CATSPERE: variants seen among roughly 807,000 people sequenced by gnomAD.
CATSPERE encodes cation channel sperm-associated auxiliary subunit epsilon.
A neutral mutation model predicts 114.1 loss-of-function variants in CATSPERE; 93 were observed. That is an observed-to-expected ratio of 0.81 (90% CI 0.69 to 0.97). CATSPERE has a LOEUF of 0.97. Ranked by LOEUF, CATSPERE falls within the 50% of genes least tolerant of loss-of-function variation. The probability of loss-of-function intolerance (pLI) is 0.00; values close to 1 mark genes in which losing one functional copy is unlikely to be tolerated. For missense variants in CATSPERE, 1,058 were observed against 1,131.6 expected (o/e 0.93, Z 0.93); for synonymous variants, 341 against 384.1 (o/e 0.89, Z 1.31).
At chr1:244,578,803 TA>T (rs1211633727) in intron 11 of CATSPERE, among the ~76,000 whole-genome samples, 1 of 127,686 alleles carries the variant, frequency 7.8e-6, no homozygotes, top group East Asian at 2.1e-4. Flanking sequence ...GTATACAGGT[TA>T]TATATATAGG....
intron 17 of CATSPERE, among the ~76,000 whole-genome samples, chr1:244,599,447 C>T (rs931909419): frequency 6.6e-6 from 1 of 152,196 alleles, no homozygotes; most frequent in Admixed American, 6.5e-5. Context: ...TACATCAAAT[C>T]CATTAACAAA....
At chr1:244,560,564 A>C (rs1662401461) in intron 9 of CATSPERE, 104 bp from the exon 10 acceptor site, 2 of 658,398 alleles carry the variant, frequency 3.0e-6, no homozygotes, top group East Asian at 6.7e-5. Flanking sequence ...ATTGAAAGAA[A>C]ATTTAAAAAA....
At chr1:244,466,721 A>G (rs1304707543) in intron 2 of CATSPERE, among the ~76,000 whole-genome samples, 1 of 152,148 alleles carries the variant, frequency 6.6e-6, no homozygotes. Flanking sequence ...ACCCCCACTA[A>G]TTTTTAGGTT....
At chr1:244,481,319 C>T (rs958259411) in intron 5 of CATSPERE, among the ~76,000 whole-genome samples, 43 of 152,092 alleles carry the variant, frequency 2.8e-4, no homozygotes, top group African/African-American at 9.6e-4. Flanking sequence ...GATGTGGTGG[C>T]GGGCGCCTGT....
At chr1:244,637,712 C>T (rs10754838) in intron 21 of CATSPERE, among the ~76,000 whole-genome samples, 90,283 of 151,992 alleles carry the variant, frequency 0.59, 27,575 homozygotes, top group Middle Eastern at 0.73. Flanking sequence ...TGGCAAATCC[C>T]CAACTACCTA....
chr1:244,558,228 G>A (rs923467857), intron 9 of CATSPERE, among the ~76,000 whole-genome samples: 20 of 136,524 alleles, frequency 1.5e-4, no homozygotes, highest in African/African-American at 3.3e-4. Context: ...TGCAACCTCC[G>A]CCTCCCAGAT....
chr1:244,607,091 G>A lies in CATSPERE; in HGVS notation c.2403+1297G>A, dbSNP rs1428429172. On this transcript the variant is annotated intron_variant, in intron 18 of 21. Coordinates refer to ENST00000366534, the MANE Select transcript of CATSPERE (RefSeq NM_001130957.2). The surrounding 1 kb of genome is among the most constrained non-coding windows in gnomAD (Gnocchi z 4.4). ...CTTCCTTCTCAAACCTTTCCATTAT[G>A]CCTCAAGGTTAAACGCTCTAGATCC... Among the ~76,000 whole-genome samples the A allele has an allele frequency of 6.6e-6, 1 of 152,032 alleles. No individual in the cohort carries two copies. Among genetic ancestry groups the A allele is most frequent in the East Asian group, 1.9e-4 (1 of 5,186 alleles).
rs185118849 is a variant in CATSPERE at position 244,603,124 on chromosome 1, T to C, written c.2304-2571T>C. On this transcript the variant is annotated intron_variant, in intron 17 of 21. Transcript: ENST00000366534. ...CTCTGGGGTGATGAGGGTAGGAGGA[T>C]AGTAGCCCAGGGCTACTAATAAAGA... is the stretch of plus-strand genomic sequence containing the variant. Among the ~76,000 whole-genome samples, 42 of 152,162 alleles carry C rather than the reference T, an allele frequency of 2.8e-4. No individual in the cohort carries two copies. In the East Asian group the frequency reaches 6.4e-3, roughly 23 times the overall value.
At chr1:244,558,424 C>T (rs1411475438) in intron 9 of CATSPERE, among the ~76,000 whole-genome samples, 1 of 151,974 alleles carries the variant, frequency 6.6e-6, no homozygotes, top group African/African-American at 2.4e-5. Context: ...CTAGCATTTC[C>T]ATTTTGTTCC....
intron 7 of CATSPERE, among the ~76,000 whole-genome samples, chr1:244,509,574 G>T (rs1675368021): frequency 6.6e-6 from 1 of 152,092 alleles, no homozygotes; most frequent in Non-Finnish European, 1.5e-5. Context: ...TTGGTGTCAG[G>T]GTAACGCTTG....
chr1:244,623,656 A>G (rs1226753648), intron 20 of CATSPERE, among the ~76,000 whole-genome samples: 1 of 152,138 alleles, frequency 6.6e-6, no homozygotes, highest in South Asian at 2.1e-4. Flanking sequence ...GGCGCACCCC[A>G]GAGATACTGT....
At chr1:244,531,530 T>C (rs1186035198) in intron 8 of CATSPERE, among the ~76,000 whole-genome samples, 1 of 152,134 alleles carries the variant, frequency 6.6e-6, no homozygotes, top group East Asian at 1.9e-4. Context: ...AATTTTTTTT[T>C]TGTCATGAAG....
At chr1:244,565,661 T>C (rs1663335404) in intron 10 of CATSPERE, among the ~76,000 whole-genome samples, 1 of 152,140 alleles carries the variant, frequency 6.6e-6, no homozygotes, top group Admixed American at 6.5e-5. Context: ...TGACTAGTGG[T>C]CTATTTTGTT....
At chr1:244,586,365 G>A (rs1477759191) in intron 13 of CATSPERE, among the ~76,000 whole-genome samples, 1 of 152,064 alleles carries the variant, frequency 6.6e-6, no homozygotes, top group Non-Finnish European at 1.5e-5. Context: ...AGTGATGGTG[G>A]GTCCTGACTA....
chr1:244,572,767 A>T lies in CATSPERE; in HGVS notation c.1945A>T (p.Thr649Ser). The stretch of plus-strand genomic sequence containing the variant: ...AGCTGCCTTTGGATACTGCACCAAA[A>T]CTCTGGTAAGCTAATATTTTAAATT... ...FEAAFGYCTK[T>S]LTLTFYQNVD... The change falls in exon 11 of 22, where the codon ACT (threonine) becomes TCT (serine). Residue 649 changes from threonine to serine, a missense_variant. Thr to Ser is a moderately conservative substitution (Grantham distance 58, BLOSUM62 1). Around this residue, in one of 2 missense-constraint regions of CATSPERE, gnomAD observed 787 missense variants for 905.6 expected, o/e 0.87. Coordinates refer to ENST00000366534, the MANE Select transcript of CATSPERE (RefSeq NM_001130957.2). The T allele has an allele frequency of 6.4e-7, 1 of 1,560,564 alleles. No homozygotes were observed. The highest frequency in any genetic ancestry group is 8.7e-7 in the Non-Finnish European group (1 of 1,155,154).
At chr1:244,493,142 A>G (rs1335454932) in intron 6 of CATSPERE, among the ~76,000 whole-genome samples, 8 of 152,172 alleles carry the variant, frequency 5.3e-5, no homozygotes, top group Non-Finnish European at 1.0e-4. Flanking sequence ...CTCCAAGTCA[A>G]TCCTAAGCCA....
intron 7 of CATSPERE, chr1:244,515,470 A>G: frequency 4.4e-6 from 1 of 228,432 alleles, no homozygotes; most frequent in Non-Finnish European, 7.2e-6. Context: ...TAATCTAATT[A>G]GATCCTCAGA....
intron 5 of CATSPERE, among the ~76,000 whole-genome samples, chr1:244,484,206 T>C (rs1023438307): frequency 6.6e-6 from 1 of 152,190 alleles, no homozygotes; most frequent in Admixed American, 6.5e-5. Flanking sequence ...CTGTATTTTT[T>C]AAATCTTAAC....
At chr1:244,566,772 C>T (rs974715022) in intron 10 of CATSPERE, among the ~76,000 whole-genome samples, 1 of 147,334 alleles carries the variant, frequency 6.8e-6, no homozygotes, top group Admixed American at 6.9e-5. Context: ...TTGCATACAG[C>T]ACACCAATGG....
Sources: allele counts gnomAD v4.1 joint callset (sites outside exome capture counted in the v4.1 genomes callset), GRCh38; gene constraint gnomAD v4.1.1; regional missense constraint gnomAD v4.1.1; non-coding constraint Gnocchi (gnomAD v3.1); transcripts MANE v1.5; gene names NCBI Gene and HGNC (gene_info 2026-07-23, HGNC 2026-07-21).